Variants in ATP1B4 observed in about 807,000 individuals in gnomAD.
ATP1B4 encodes the protein ATPase Na+/K+ transporting family member beta 4.
In ATP1B4, 32 loss-of-function variants were observed where a neutral mutation model predicts 29.6. The ratio of observed to expected loss-of-function variants is 1.08; its 90% confidence interval spans 0.82 to 1.45. The LOEUF is 1.45. Ranked by LOEUF, ATP1B4 falls within the 40% of genes most tolerant of loss-of-function variation. ATP1B4 has a pLI of 0.00. For synonymous variants in ATP1B4, 127 were observed against 102.1 expected (o/e 1.24, Z -1.47); for missense variants, 323 against 276.2 (o/e 1.17, Z -1.20).
chrX:120,375,308 A>T, intron 4 of ATP1B4, 64 bp from the exon 5 acceptor site: 1 of 1,015,257 alleles, frequency 9.8e-7, no homozygotes, highest in Non-Finnish European at 1.4e-6. Flanking sequence ...AGGACTACTG[A>T]ACGCACGGCC....
Position 120,371,165 on chromosome X carries a change from G to A in ATP1B4, c.517G>A (p.Asp173Asn), listed in dbSNP as rs990423839. 5.8e-6 allele frequency: 7 copies of A among 1,209,377 alleles called. No individual in the cohort carries two copies. In the African/African-American group the frequency reaches 8.8e-5, roughly 15 times the overall value. The change falls in exon 4 of 8, where the codon GAC becomes AAC. Residue 173 changes from aspartate to asparagine, a missense_variant. Transcript: ENST00000218008. ...CTTCAACTTCAACGTTTCTGAACCCGACACTTGGCAGCATTATGTGATTAG... is the reference window on the plus strand; with the variant it reads ...CTTCAACTTCAACGTTTCTGAACCCAACACTTGGCAGCATTATGTGATTAG... The part of the protein sequence containing the change: ...LNFNFNVSEP[D>N]TWQHYVISLN...
At chrX:120,374,948 G>A (rs1282168356) in intron 4 of ATP1B4, among the ~76,000 whole-genome samples, 1 of 99,578 alleles carries the variant, frequency 1.0e-5, no homozygotes, top group African/African-American at 3.7e-5. Context: ...TACCTTGAAT[G>A]TTTCAGTCCC....
At chrX:120,375,663 C>A in intron 5 of ATP1B4, 95 bp downstream of exon 5, 1 of 767,485 alleles carries the variant, frequency 1.3e-6, no homozygotes, top group Non-Finnish European at 1.8e-6. Context: ...TCTTCACACA[C>A]CACAGGTTTG....
rs1403320679 is a variant in ATP1B4, at chrX:120,382,281, T to C, written c.*2647T>C. 1 of 111,870 alleles carries C rather than the reference T, an allele frequency of 8.9e-6. No individual in the cohort carries two copies. Among genetic ancestry groups the C allele is most frequent in the South Asian group, 3.7e-4 (1 of 2,697 alleles). The allele number at this position is 111,870 out of a possible 1,213,427, so 9.2% of individuals were successfully genotyped here. ...GTTCTAGAAGATATAGGATCTTCTA[T>C]AGTAGGTTAATGGAAAATACAAAAA... On this transcript the variant is annotated 3_prime_UTR_variant, in exon 8 of 8. Coordinates refer to ENST00000218008, the MANE Select transcript of ATP1B4 (RefSeq NM_001142447.3).
At chrX:120,375,159 C>G (rs1299215619) in intron 4 of ATP1B4, among the ~76,000 whole-genome samples, 2 of 109,724 alleles carry the variant, frequency 1.8e-5, no homozygotes, top group Admixed American at 2.0e-4. Context: ...TCAAACTGGG[C>G]TGAAGTGACT....
Position 120,362,219 on chromosome X carries a change from T to C in ATP1B4, c.51T>C (p.Tyr17=). ...SRRAPSFPYS[Y]RYRLDDPDEA... is the part of the protein sequence containing the mutation. ...GGGCTCCATCCTTTCCTTACAGTTA[T>C]CGCTACAGACTCGTGAGTGCCAGAG... is the stretch of plus-strand genomic sequence containing the variant. Residue 17 remains tyrosine, a synonymous_variant, in exon 1 of 8, where the codon TAT becomes TAC. Transcript: ENST00000218008. 1 of 1,210,967 alleles carries C rather than the reference T, an allele frequency of 8.3e-7. No homozygotes were observed. Among genetic ancestry groups the C allele is most frequent in the Non-Finnish European group, 1.1e-6 (1 of 894,834 alleles).
intron 1 of ATP1B4, among the ~76,000 whole-genome samples, chrX:120,365,440 G>T (rs1174779091): frequency 8.9e-6 from 1 of 112,229 alleles, no homozygotes; most frequent in Non-Finnish European, 1.9e-5. Flanking sequence ...ATTTTTAGCA[G>T]GGTGCCCTCT....
intron 6 of ATP1B4, among the ~76,000 whole-genome samples, chrX:120,377,662 T>C (rs1289985392): frequency 1.8e-5 from 2 of 112,272 alleles, no homozygotes; most frequent in African/African-American, 3.2e-5. Context: ...GAACTGTCCT[T>C]TCTAAAATTG....
In ATP1B4 at chrX:120,379,554, A is replaced by C; in HGVS notation, c.994A>C (p.Lys332Gln). ...NQAVPVQCQL[K>Q]GKGVINDVIN... The stretch of plus-strand genomic sequence containing the variant: ...AGCAGTGCCTGTGCAGTGCCAACTG[A>C]AGGGCAAAGGCGTCATAAATGATGT... Residue 332 changes from lysine (K) to glutamine (Q), a missense_variant, in exon 8 of 8, where the codon AAG becomes CAG. Lys to Gln is a moderately conservative substitution (Grantham distance 53). Coordinates refer to ENST00000218008, the MANE Select transcript of ATP1B4 (RefSeq NM_001142447.3). 8.3e-7 allele frequency: 1 copy of C among 1,211,252 alleles called. No individual in the cohort carries two copies. Among genetic ancestry groups the C allele is most frequent in the Non-Finnish European group, 1.1e-6 (1 of 895,101 alleles).
chrX:120,365,110 C>T (rs1438545090), intron 1 of ATP1B4, among the ~76,000 whole-genome samples: 1 of 111,552 alleles, frequency 9.0e-6, no homozygotes, highest in Non-Finnish European at 1.9e-5. Flanking sequence ...ACATCATTGT[C>T]CAGGGTATCA....
Position 120,376,380 on chromosome X carries a change from A to G in ATP1B4, c.760A>G (p.Ile254Val). 2 of 1,209,821 alleles carry G rather than the reference A, an allele frequency of 1.7e-6. No individual in the cohort carries two copies. The highest frequency in any genetic ancestry group is 4.4e-5 in the Admixed American group (2 of 45,941). The change falls in exon 6 of 8, where the codon ATT becomes GTT. Residue 254 changes from isoleucine (I) to valine (V), a missense_variant and splice_region_variant. By Grantham distance (29) the Ile-to-Val change is conservative (BLOSUM62 3). Transcript: ENST00000218008. ...TAAAACACTGGTTTTCTTTTGATAG[A>G]TTGTAGGCTTTCGTCCTGAGCTTGG... Reference protein sequence around the residue: ...QPCILLKMNRIVGFRPELGDP... With the variant: ...QPCILLKMNRVVGFRPELGDP...
intron 1 of ATP1B4, among the ~76,000 whole-genome samples, chrX:120,363,935 G>T (rs1396861118): frequency 1.8e-5 from 2 of 112,201 alleles, no homozygotes; most frequent in Non-Finnish European, 3.8e-5. Flanking sequence ...TTTGGGGAAG[G>T]CCTCTCTTGC....
At chrX:120,371,320 C>T in intron 4 of ATP1B4, 110 bp downstream of exon 4, 2 of 575,411 alleles carry the variant, frequency 3.5e-6, no homozygotes, top group Non-Finnish European at 5.9e-6. Flanking sequence ...AACCCCAACT[C>T]ATCATGGTCT....
chrX:120,362,512 G>A (rs1383901787), intron 1 of ATP1B4, among the ~76,000 whole-genome samples: 1 of 111,724 alleles, frequency 9.0e-6, no homozygotes, highest in East Asian at 2.8e-4. Flanking sequence ...ATCTTTTCCT[G>A]GGAGTATAGA....
chrX:120,378,527 G>A, intron 6 of ATP1B4, 151 bp from the exon 7 acceptor site: 6 of 517,210 alleles, frequency 1.2e-5, no homozygotes, highest in Non-Finnish European at 2.0e-5. Flanking sequence ...ACAGGTCACG[G>A]CTGAGCTCTG....
chrX:120,370,176 G>C (rs2058306276), intron 2 of ATP1B4, among the ~76,000 whole-genome samples: 1 of 111,806 alleles, frequency 8.9e-6, no homozygotes, highest in Non-Finnish European at 1.9e-5. Flanking sequence ...CTTTGCTAAA[G>C]ATGAATACAA....
At chrX:120,374,712 T>G (rs2058337495) in intron 4 of ATP1B4, among the ~76,000 whole-genome samples, 1 of 69,107 alleles carries the variant, frequency 1.4e-5, no homozygotes, top group Admixed American at 2.3e-4. Flanking sequence ...ATATATACCC[T>G]TATATATAAT....
chrX:120,372,952 C>T (rs927290384), intron 4 of ATP1B4, among the ~76,000 whole-genome samples: 2 of 111,988 alleles, frequency 1.8e-5, no homozygotes, highest in African/African-American at 6.5e-5. Context: ...TGCTTGCAAG[C>T]GATTGCAAAT....
rs868592364 is a variant in ATP1B4, at chrX:120,370,805, C to T, written c.419C>T (p.Pro140Leu). The change falls in exon 3 of 8, where the codon CCC becomes CTC. Residue 140 changes from proline to leucine, a missense_variant. By Grantham distance (98) the Pro-to-Leu change is moderately conservative. Coordinates refer to ENST00000218008, the MANE Select transcript of ATP1B4 (RefSeq NM_001142447.3). ...CMYTLFLTISPYIPTFTERVK... is the reference protein window; with the variant it reads ...CMYTLFLTISLYIPTFTERVK... ...TACACACTATTTCTGACCATCAGTC[C>T]CTATATACCAACCTTCACGGAGCGG... is the stretch of plus-strand genomic sequence containing the variant. 4 of 1,211,181 alleles carry T rather than the reference C, an allele frequency of 3.3e-6. No homozygotes were observed. The South Asian group carries it at 5.3e-5, about 16-fold the overall frequency.
Sources: gnomAD v4.1 joint callset for allele counts (sites outside exome capture counted in the v4.1 genomes callset) on GRCh38, gnomAD v4.1.1 for gene constraint, MANE v1.5 for transcripts, NCBI Gene and HGNC (gene_info 2026-07-23, HGNC 2026-07-21) for gene names.